Variants in SLC51B observed in about 807,000 individuals in gnomAD.
SLC51B encodes the protein organic solute transporter subunit beta.
SLC51B carries 6 observed loss-of-function variants against 8.0 expected under a neutral mutation model. That is an observed-to-expected ratio of 0.75 (90% CI 0.41 to 1.48). SLC51B has a LOEUF of 1.48. SLC51B is among the 40% of genes most tolerant of loss of function. SLC51B has a pLI of 0.01. For synonymous variants in SLC51B, 61 were observed against 54.8 expected (o/e 1.11, Z -0.50); for missense variants, 150 against 149.7 (o/e 1.00, Z -0.01).
At chr15:65,047,285 G>A (rs1432076547) in intron 1 of SLC51B, among the ~76,000 whole-genome samples, 6 of 146,304 alleles carry the variant, frequency 4.1e-5, no homozygotes, top group African/African-American at 1.3e-4. Flanking sequence ...GCAGTGAGCC[G>A]AGATCACACC....
intron 1 of SLC51B, among the ~76,000 whole-genome samples, chr15:65,048,197 A>G (rs113160698): frequency 0.051 from 5 of 98 alleles, no homozygotes; most frequent in Admixed American, 0.17. Context: ...AAAAAAAAGA[A>G]AAAAAAAAAA....
Position 65,053,069 on chromosome 15 carries a change from T to C in SLC51B, c.292T>C (p.Ser98Pro), listed in dbSNP as rs778493381. The C allele has an allele frequency of 6.2e-7, 1 of 1,614,128 alleles. No individual in the cohort carries two copies. The highest frequency in any genetic ancestry group is 8.5e-7 in the Non-Finnish European group (1 of 1,180,034). Residue 98 changes from serine (S) to proline (P), a missense_variant, in exon 4 of 4, where the codon TCA (serine) becomes CCA (proline). Coordinates refer to ENST00000334287, the MANE Select transcript of SLC51B (RefSeq NM_178859.4). ...SLNNLRETLL[S>P]EKPNLAQVEL... ...AAACAACCTAAGAGAAACTTTGCTC[T>C]CAGAAAAGCCAAACTTGGCCCAGGT...
chr15:65,052,929 C>CGGGG, intron 3 of SLC51B, 37 bp from the exon 4 acceptor site: 2 of 1,599,014 alleles, frequency 1.3e-6, no homozygotes, highest in Non-Finnish European at 1.7e-6. Context: ...CCCAACCACT[C>CGGGG]AGCCCCCCTC....
chr15:65,053,050 C>G lies in SLC51B; in HGVS notation c.273C>G (p.Asn91Lys). The change falls in exon 4 of 4, where the codon AAC becomes AAG. Residue 91 changes from asparagine to lysine, a missense_variant. By Grantham distance (94) the Asn-to-Lys change is moderately conservative. Transcript: ENST00000334287. The stretch of plus-strand genomic sequence containing the variant: ...CCAAGGATCACAACAGCCTAAACAA[C>G]CTAAGAGAAACTTTGCTCTCAGAAA... Reference protein sequence around the residue: ...DEAKDHNSLNNLRETLLSEKP... With the variant: ...DEAKDHNSLNKLRETLLSEKP... 1 of 1,614,052 alleles carries G rather than the reference C, an allele frequency of 6.2e-7. No individual in the cohort carries two copies. The highest frequency in any genetic ancestry group is 8.5e-7 in the Non-Finnish European group (1 of 1,180,002).
chr15:65,052,133 G>C (rs879711819), intron 3 of SLC51B, among the ~76,000 whole-genome samples: 6 of 152,204 alleles, frequency 3.9e-5, no homozygotes, highest in Non-Finnish European at 7.3e-5. Context: ...AAGGTGGTTG[G>C]GGGAGGGGAG....
intron 3 of SLC51B, among the ~76,000 whole-genome samples, chr15:65,052,403 T>C (rs2086664827): frequency 7.9e-6 from 1 of 127,232 alleles, no homozygotes; most frequent in Admixed American, 7.3e-5. Context: ...CCTTGGCTTT[T>C]TTTTTTTTTT....
intron 3 of SLC51B, among the ~76,000 whole-genome samples, chr15:65,052,519 G>A (rs1044499370): frequency 6.8e-6 from 1 of 148,088 alleles, no homozygotes; most frequent in Non-Finnish European, 1.5e-5. Context: ...TCCTGCTTCA[G>A]CCTCCCAAAT....
chr15:65,052,806 T>C (rs2086671987), intron 3 of SLC51B, among the ~76,000 whole-genome samples, 160 bp from the exon 4 acceptor site: 1 of 152,140 alleles, frequency 6.6e-6, no homozygotes, highest in Non-Finnish European at 1.5e-5. Context: ...GGGTAAGCCA[T>C]TTCTCTGTTG....
chr15:65,050,833 C>CTTTTTTTTTTT lies in SLC51B; in HGVS notation c.98-680_98-679insTTTTTTTTTTT, dbSNP rs67418433. On this transcript the variant is annotated intron_variant, in intron 2 of 3. Transcript: ENST00000334287. ...TCCTTTTTTTTTCTTTCTTCTTCTT[C>CTTTTTTTTTTT]TTCTTTTTTTTTTTTTTTTTGCCTT... Among the ~76,000 whole-genome samples the CTTTTTTTTTTT allele has an allele frequency of 5.8e-4, 51 of 88,598 alleles. 2 individuals carry two copies. Among genetic ancestry groups the CTTTTTTTTTTT allele is most frequent in the South Asian group, 1.5e-3 (3 of 1,948 alleles). The allele number at this position is 88,598 out of a possible 152,430, so 58.1% of individuals were successfully genotyped here. A position where few individuals can be genotyped will look rare whatever the true frequency, so the allele number is the denominator to read the frequency against.
intron 1 of SLC51B, chr15:65,049,222 T>C (rs1018914485): frequency 1.3e-5 from 2 of 150,476 alleles, no homozygotes; most frequent in Admixed American, 1.3e-4. Context: ...TTATTATTAA[T>C]AGTTGGGATG....
intron 3 of SLC51B, among the ~76,000 whole-genome samples, chr15:65,052,319 A>T (rs756557330): frequency 6.6e-6 from 1 of 151,862 alleles, no homozygotes; most frequent in Non-Finnish European, 1.5e-5. Context: ...AAGGTCAGAG[A>T]CAGTGTGGTT....
chr15:65,052,856 C>A, intron 3 of SLC51B, 110 bp from the exon 4 acceptor site: 1 of 968,194 alleles, frequency 1.0e-6, no homozygotes. Context: ...TCTAGTAGCT[C>A]CCAAACTGCA....
intron 1 of SLC51B, among the ~76,000 whole-genome samples, chr15:65,047,131 C>T (rs752364819): frequency 1.6e-4 from 24 of 151,828 alleles, no homozygotes; most frequent in Non-Finnish European, 2.6e-4. Context: ...CTGAGGTAGG[C>T]GGATCACCAA....
chr15:65,048,637 G>A (rs1300393386), intron 1 of SLC51B, among the ~76,000 whole-genome samples: 4 of 152,062 alleles, frequency 2.6e-5, no homozygotes, highest in African/African-American at 7.2e-5. Context: ...TTTTAGTTAC[G>A]TTTATCTCCA....
intron 3 of SLC51B, 137 bp downstream of exon 3, chr15:65,051,742 G>A (rs1377325021): frequency 8.7e-6 from 6 of 688,138 alleles, no homozygotes; most frequent in Middle Eastern, 6.5e-4. Context: ...AGCCTTCAGT[G>A]TCCTTCGAGA....
intron 1 of SLC51B, among the ~76,000 whole-genome samples, chr15:65,048,291 C>T (rs2086603849): frequency 6.6e-6 from 1 of 152,080 alleles, no homozygotes; most frequent in East Asian, 1.9e-4. Context: ...AAGCTTAAGT[C>T]AGTATTGTAT....
At chr15:65,046,567 T>C (rs2041482115) in intron 1 of SLC51B, among the ~76,000 whole-genome samples, 1 of 152,234 alleles carries the variant, frequency 6.6e-6, no homozygotes, top group South Asian at 2.1e-4. Flanking sequence ...ATTTGTCATT[T>C]TGGTTTTTTG....
chr15:65,050,838 T>TTTG (rs1433552904), intron 2 of SLC51B, among the ~76,000 whole-genome samples: 2 of 144,792 alleles, frequency 1.4e-5, no homozygotes, highest in African/African-American at 5.1e-5. Context: ...TTCTTCTTCT[T>TTTG]TTTTTTTTTT....
chr15:65,053,104 G>T lies in SLC51B; in HGVS notation c.327G>T (p.Glu109Asp), dbSNP rs1460147449. Residue 109 changes from glutamate (E) to aspartate (D), a missense_variant, in exon 4 of 4, where the codon GAG becomes GAT. Transcript: ENST00000334287. Reference protein sequence around the residue: ...EKPNLAQVELELKERDVLSVF... With the variant: ...EKPNLAQVELDLKERDVLSVF... Reference sequence around the variant, plus strand: ...CAAACTTGGCCCAGGTGGAACTTGAGTTAAAAGAGAGAGATGTGCTGTCAG... The same window carrying T: ...CAAACTTGGCCCAGGTGGAACTTGATTTAAAAGAGAGAGATGTGCTGTCAG... 6.2e-7 allele frequency: 1 copy of T among 1,614,192 alleles called. No individual in the cohort carries two copies. The highest frequency in any genetic ancestry group is 8.5e-7 in the Non-Finnish European group (1 of 1,180,046).
Sources: gnomAD v4.1 joint callset for allele counts (sites outside exome capture counted in the v4.1 genomes callset) on GRCh38, gnomAD v4.1.1 for gene constraint, MANE v1.5 for transcripts, NCBI Gene and HGNC (gene_info 2026-07-23, HGNC 2026-07-21) for gene names.